Variants in XIRP2 observed in about 807,000 individuals in gnomAD.
XIRP2 encodes the protein xin actin binding repeat containing 2.
Under a neutral mutation model 277.0 loss-of-function variants are expected in XIRP2, and 236 were observed. The observed-to-expected ratio is 0.85, with a 90% confidence interval of 0.77 to 0.95. XIRP2 has a LOEUF of 0.95. Ranked by LOEUF, XIRP2 falls within the 40% of genes least tolerant of loss-of-function variation. XIRP2 has a pLI of 0.00. For missense variants in XIRP2, 4,640 were observed against 4,157.5 expected (o/e 1.12, Z -3.19); for synonymous variants, 1,490 against 1,416.5 (o/e 1.05, Z -1.17).
chr2:166,947,396 A>C (rs1685905317), intron 2 of XIRP2, among the ~76,000 whole-genome samples: 1 of 152,084 alleles, frequency 6.6e-6, no homozygotes, highest in Admixed American at 6.6e-5. Context: ...TTTGATATGA[A>C]CTCATTCAAG....
At chr2:167,226,034 G>C (rs550121477) in intron 5 of XIRP2, among the ~76,000 whole-genome samples, 97 of 152,276 alleles carry the variant, frequency 6.4e-4, no homozygotes, top group African/African-American at 2.2e-3. Flanking sequence ...GCAGAATTCA[G>C]ATGACTGAAA....
At chr2:166,977,435 T>C (rs1476998113) in intron 2 of XIRP2, among the ~76,000 whole-genome samples, 1 of 152,152 alleles carries the variant, frequency 6.6e-6, no homozygotes, top group Non-Finnish European at 1.5e-5. Context: ...AAATCATCAA[T>C]AAAAAATTTG....
At chr2:167,009,669 A>C (rs552792361) in intron 2 of XIRP2, among the ~76,000 whole-genome samples, 3 of 152,124 alleles carry the variant, frequency 2.0e-5, no homozygotes, top group East Asian at 1.9e-4. Context: ...GAACTAGTTT[A>C]CAGTCCCACC....
rs189474684 is a variant in XIRP2 at position 167,245,469 on chromosome 2, A to G, written c.4077A>G (p.Leu1359=). ...GGTGGCTTTTTGAAACAAAGCCATT[A>G]GACTCTATTAATAAATCAGAAACTG... ...GTRWLFETKP[L]DSINKSETVY... is the part of the protein sequence containing the mutation. The change falls in exon 9 of 11, where the codon TTA becomes TTG. Residue 1359 remains leucine (L), a synonymous_variant. Coordinates refer to ENST00000409195, the MANE Select transcript of XIRP2 (RefSeq NM_152381.6). The G allele has an allele frequency of 8.8e-5, 142 of 1,613,620 alleles. No homozygotes were observed. The East Asian group carries it at 2.9e-3, about 33-fold the overall frequency.
At chr2:166,911,746 AC>A (rs1684706870) in intron 2 of XIRP2, among the ~76,000 whole-genome samples, 1 of 152,182 alleles carries the variant, frequency 6.6e-6, no homozygotes, top group Non-Finnish European at 1.5e-5. Context: ...TGTCGCTGGT[AC>A]TGGTTGTTCC....
intron 2 of XIRP2, among the ~76,000 whole-genome samples, chr2:167,005,861 C>A (rs1327764362): frequency 6.6e-6 from 1 of 151,588 alleles, no homozygotes; most frequent in Non-Finnish European, 1.5e-5. Flanking sequence ...TTCTTGACAA[C>A]CTTCTGGATC....
rs1189464040 is a variant in XIRP2 at position 167,243,018 on chromosome 2, C to G, written c.1626C>G (p.Ala542=). The change falls in exon 9 of 11, where the codon GCC becomes GCG. Residue 542 remains alanine (A), a synonymous_variant. Coordinates refer to ENST00000409195, the MANE Select transcript of XIRP2 (RefSeq NM_152381.6). ...GSSVSADVQQ[A]RYVFENTNDS... ...CAGTCTCAGCAGATGTGCAACAAGCCCGGTATGTTTTTGAAAACACAAATG... is the reference window on the plus strand; with the variant it reads ...CAGTCTCAGCAGATGTGCAACAAGCGCGGTATGTTTTTGAAAACACAAATG... The G allele has an allele frequency of 6.2e-7, 1 of 1,613,790 alleles. No individual in the cohort carries two copies. The highest frequency in any genetic ancestry group is 1.3e-5 in the African/African-American group (1 of 74,858).
chr2:167,047,239 G>A, intron 2 of XIRP2, among the ~76,000 whole-genome samples: 1 of 151,602 alleles, frequency 6.6e-6, no homozygotes, highest in East Asian at 1.9e-4. Context: ...TTTACATACA[G>A]TATCAACTTA....
rs191755841 is a variant in XIRP2, at chr2:167,149,963, A to G, written c.562+13901A>G. On this transcript the variant is annotated intron_variant, in intron 3 of 10. Coordinates refer to ENST00000409195, the MANE Select transcript of XIRP2 (RefSeq NM_152381.6). ...TAGGCAAAGTATACAAACAACAAAAAAACTAGAAATGGATAATAATTATAT... is the reference window on the plus strand; with the variant it reads ...TAGGCAAAGTATACAAACAACAAAAGAACTAGAAATGGATAATAATTATAT... 7.2e-5 allele frequency among the ~76,000 whole-genome samples: 11 copies of G among 152,146 alleles called. No individual in the cohort carries two copies. In the East Asian group the frequency reaches 2.1e-3, roughly 29 times the overall value.
intron 2 of XIRP2, among the ~76,000 whole-genome samples, chr2:167,028,564 A>G (rs146217543): frequency 6.6e-6 from 1 of 152,198 alleles, no homozygotes; most frequent in East Asian, 1.9e-4. Context: ...ACTCAATTCC[A>G]TTTAAATATT....
At chr2:167,087,537 C>G (rs917703053) in intron 2 of XIRP2, among the ~76,000 whole-genome samples, 10 of 152,336 alleles carry the variant, frequency 6.6e-5, no homozygotes, top group African/African-American at 2.4e-4. Flanking sequence ...GCCCCTCACC[C>G]TGCCTCGCTG....
chr2:166,928,236 A>G (rs1574085672), intron 2 of XIRP2, among the ~76,000 whole-genome samples: 1 of 152,142 alleles, frequency 6.6e-6, no homozygotes, highest in East Asian at 1.9e-4. Flanking sequence ...GAGAGAAGAC[A>G]GAATGCAAAA....
chr2:166,953,212 T>C (rs1178361532), intron 2 of XIRP2, among the ~76,000 whole-genome samples: 1 of 151,922 alleles, frequency 6.6e-6, no homozygotes, highest in African/African-American at 2.4e-5. Flanking sequence ...GATACCACTA[T>C]TGTGTTGATA....
intron 2 of XIRP2, among the ~76,000 whole-genome samples, chr2:167,004,572 C>T (rs1485982487): frequency 2.0e-5 from 3 of 151,632 alleles, no homozygotes; most frequent in Admixed American, 6.6e-5. Flanking sequence ...TGTGTAGCAA[C>T]GTAAGGCCTC....
At chr2:166,968,696 G>A (rs1686491399) in intron 2 of XIRP2, among the ~76,000 whole-genome samples, 1 of 151,930 alleles carries the variant, frequency 6.6e-6, no homozygotes, top group African/African-American at 2.4e-5. Context: ...GTTTTCAAGA[G>A]TATGTATAAA....
chr2:167,218,917 T>A (rs1394288627), intron 5 of XIRP2, among the ~76,000 whole-genome samples: 3 of 152,174 alleles, frequency 2.0e-5, no homozygotes, highest in Non-Finnish European at 4.4e-5. Context: ...ATCTTAGTAA[T>A]AAAACTCATC....
intron 8 of XIRP2, among the ~76,000 whole-genome samples, chr2:167,242,232 C>G (rs1337737280): frequency 6.6e-6 from 1 of 152,110 alleles, no homozygotes; most frequent in East Asian, 1.9e-4. Flanking sequence ...TGAAACAACC[C>G]TCAAAAGTAC....
chr2:167,003,345 A>G (rs1420094744), intron 2 of XIRP2, among the ~76,000 whole-genome samples: 1 of 151,994 alleles, frequency 6.6e-6, no homozygotes, highest in Non-Finnish European at 1.5e-5. Context: ...TCTGAAAAAG[A>G]TGCCTGAAAA....
Position 167,013,138 on chromosome 2 carries a change from C to A in XIRP2, c.408+109248C>A, listed in dbSNP as rs73970216. 2.0e-3 allele frequency among the ~76,000 whole-genome samples: 297 copies of A among 151,330 alleles called. 3 individuals are homozygous for A. The highest frequency in any genetic ancestry group is 6.8e-3 in the African/African-American group (280 of 41,396). ...TATAGTTTGGTCATTCCCAATATGACTCATGTCAGTTATTTTCTCTTTGCC... is the reference window on the plus strand; with the variant it reads ...TATAGTTTGGTCATTCCCAATATGAATCATGTCAGTTATTTTCTCTTTGCC... On this transcript the variant is annotated intron_variant, in intron 2 of 10. Transcript: ENST00000409195.
Sources: allele counts gnomAD v4.1 joint callset (sites outside exome capture counted in the v4.1 genomes callset), GRCh38; gene constraint gnomAD v4.1.1; transcripts MANE v1.5; gene names NCBI Gene and HGNC (gene_info 2026-07-23, HGNC 2026-07-21).